Variants in KL observed in about 807,000 individuals in gnomAD.
KL encodes klotho.
In KL, 62 loss-of-function variants were observed where a neutral mutation model predicts 84.2. That is an observed-to-expected ratio of 0.74 (90% CI 0.60 to 0.91). The LOEUF is 0.91. KL is among the 40% of genes least tolerant of loss of function. KL has a pLI of 0.00. For synonymous variants in KL, 528 were observed against 528.0 expected, an observed-to-expected ratio of 1.00 and a Z score of 0.00; for missense variants, 1,261 against 1,305.7, an observed-to-expected ratio of 0.97 and a Z score of 0.53.
chr13:33,035,145 A>G (rs9526983), intron 1 of KL, among the ~76,000 whole-genome samples: 8,747 of 152,278 alleles, frequency 0.057, 323 homozygotes, highest in Non-Finnish European at 0.083. Flanking sequence ...TCCATAAAGC[A>G]TATTTCATTT....
chr13:33,029,361 GTTTC>G (rs1870889206), intron 1 of KL, among the ~76,000 whole-genome samples: 1 of 152,140 alleles, frequency 6.6e-6, no homozygotes, highest in African/African-American at 2.4e-5. Flanking sequence ...ATGAATCAAT[GTTTC>G]AAACATTGAC....
intron 1 of KL, among the ~76,000 whole-genome samples, chr13:33,017,904 G>A (rs1047050434): frequency 6.6e-6 from 1 of 152,180 alleles, no homozygotes; most frequent in African/African-American, 2.4e-5. Context: ...AACAACTGCA[G>A]GGTGATATAG....
intron 1 of KL, among the ~76,000 whole-genome samples, chr13:33,032,830 C>T (rs1337677097): frequency 6.6e-6 from 1 of 152,010 alleles, no homozygotes; most frequent in Admixed American, 6.5e-5. Context: ...TGCCTTTTTC[C>T]GTCTCTCCAG....
In KL at chr13:33,064,593, T is replaced by G. The variant is rs75520088; in HGVS notation, c.*407T>G. 3.8e-6 allele frequency: 1 copy of G among 266,182 alleles called. No individual in the cohort carries two copies. The highest frequency in any genetic ancestry group is 7.2e-6 in the Non-Finnish European group (1 of 138,646). The allele number at this position is 266,182 out of a possible 1,614,324, so 16.5% of individuals were successfully genotyped here. On this transcript the variant is annotated 3_prime_UTR_variant, in exon 5 of 5. Coordinates refer to ENST00000380099, the MANE Select transcript of KL (RefSeq NM_004795.4). ...TTGCAAGAGTTCGAATAGAAAGTTA[T>G]GTACCAAGTAACCATTTCTCAGCTG...
At chr13:33,030,569 G>T (rs996241879) in intron 1 of KL, among the ~76,000 whole-genome samples, 1 of 152,156 alleles carries the variant, frequency 6.6e-6, no homozygotes, top group Non-Finnish European at 1.5e-5. Context: ...ACTTGGAGAT[G>T]ATGAATTTGG....
intron 1 of KL, among the ~76,000 whole-genome samples, chr13:33,017,744 T>C (rs1870425264): frequency 6.6e-6 from 1 of 152,202 alleles, no homozygotes; most frequent in Non-Finnish European, 1.5e-5. Context: ...TGTGAAAGTG[T>C]CAAAACACAA....
intron 1 of KL, among the ~76,000 whole-genome samples, chr13:33,027,536 T>C (rs1252236730): frequency 6.6e-6 from 1 of 152,246 alleles, no homozygotes; most frequent in African/African-American, 2.4e-5. Context: ...GTGGCTCTTA[T>C]ATTGAGCCTT....
At chr13:33,019,497 C>G (rs1409308737) in intron 1 of KL, among the ~76,000 whole-genome samples, 1 of 152,100 alleles carries the variant, frequency 6.6e-6, no homozygotes, top group Non-Finnish European at 1.5e-5. Flanking sequence ...CTCACTCCCT[C>G]TGTGTTTCCA....
rs71071071 is a variant in KL at position 33,044,640 on chromosome 13, C to CTTTTTTTTTTTTTT, written c.820-9112_820-9099dup. Among the ~76,000 whole-genome samples, 44 of 52,754 alleles carry CTTTTTTTTTTTTTT rather than the reference C, an allele frequency of 8.3e-4. 9 individuals carry two copies. The highest frequency in any genetic ancestry group is 1.3e-3 in the Admixed American group (4 of 3,010). 34.6% of individuals were successfully genotyped at this position (52,754 alleles called of 152,430 possible). ...TTCATATATAAATGCAATTGATTTT[C>CTTTTTTTTTTTTTT]TTTTTTTTTTTTTTTTTTTTTTTTT... On this transcript the variant is annotated intron_variant, in intron 1 of 4. Transcript: ENST00000380099.
intron 4 of KL, among the ~76,000 whole-genome samples, chr13:33,063,163 C>T (rs1033422279): frequency 6.6e-6 from 1 of 151,580 alleles, no homozygotes; most frequent in Non-Finnish European, 1.5e-5. Flanking sequence ...TGACCATTGC[C>T]ATGGTAACCT....
rs766872387 is a variant in KL at position 33,016,577 on chromosome 13, C to T, written c.137C>T (p.Ser46Leu). 8.1e-6 allele frequency: 12 copies of T among 1,483,554 alleles called. No homozygotes were observed. In the East Asian group the frequency reaches 2.1e-4, roughly 26 times the overall value. 91.9% of individuals were successfully genotyped at this position (1,483,554 alleles called of 1,614,324 possible). The change falls in exon 1 of 5, where the codon TCG becomes TTG. Residue 46 changes from serine (S) to leucine (L), a missense_variant. Transcript: ENST00000380099. The part of the protein sequence containing the change: ...GDGAQTWARF[S>L]RPPAPEAAGL... ...GGCGCGCAGACCTGGGCCCGTTTCT[C>T]GCGGCCTCCTGCCCCCGAGGCCGCG...
rs1308742315 is a variant in KL at position 33,061,094 on chromosome 13, T to C, written c.2015T>C (p.Leu672Pro). 1 of 1,613,882 alleles carries C rather than the reference T, an allele frequency of 6.2e-7. No individual in the cohort carries two copies. The change falls in exon 4 of 5, where the codon CTG becomes CCG. Residue 672 changes from leucine to proline, a missense_variant. Leu to Pro is a moderately conservative substitution (Grantham distance 98). Transcript: ENST00000380099. ...CTGGCCTTTGCAGAGTATGCCCGAC[T>C]GTGCTTTCAAGAGCTCGGCCATCAC... ...TALAFAEYAR[L>P]CFQELGHHVK...
chr13:33,060,942 C>A lies in KL; in HGVS notation c.1863C>A (p.Cys621Ter). ...ACACCATCCTGCAGTACTATCGCTG[C>A]ATGGCCAGCGAGCTTGTCCGTGTCA... ...VNHTILQYYR[C>*]MASELVRVNI... Residue 621 changes from cysteine (C) to a stop codon, truncating the protein, a stop_gained, in exon 4 of 5, where the codon TGC becomes TGA. Transcript: ENST00000380099. LOFTEE classifies it high-confidence loss of function. 1 of 1,612,002 alleles carries A rather than the reference C, an allele frequency of 6.2e-7. No individual in the cohort carries two copies. Among genetic ancestry groups the A allele is most frequent in the South Asian group, 1.1e-5 (1 of 90,976 alleles).
Position 33,016,571 on chromosome 13 carries a change from G to A in KL, c.131G>A (p.Arg44His). Residue 44 changes from arginine (R) to histidine (H), a missense_variant, in exon 1 of 5, where the codon CGT (arginine) becomes CAT (histidine). Arg to His is a conservative substitution (Grantham distance 29). Coordinates refer to ENST00000380099, the MANE Select transcript of KL (RefSeq NM_004795.4). ...EPGDGAQTWA[R>H]FSRPPAPEAA... The stretch of plus-strand genomic sequence containing the variant: ...GGCGACGGCGCGCAGACCTGGGCCC[G>A]TTTCTCGCGGCCTCCTGCCCCCGAG... The A allele has an allele frequency of 6.8e-7, 1 of 1,479,024 alleles. No individual in the cohort carries two copies. The highest frequency in any genetic ancestry group is 8.9e-7 in the Non-Finnish European group (1 of 1,117,374). The allele number at this position is 1,479,024 out of a possible 1,614,324, so 91.6% of individuals were successfully genotyped here.
Position 33,064,399 on chromosome 13 carries a change from TG to T in KL, c.*216del, listed in dbSNP as rs1872330426. 2.6e-5 allele frequency: 12 copies of T among 468,620 alleles called. No homozygotes were observed. In the South Asian group the frequency reaches 3.5e-4, roughly 14 times the overall value. 29.0% of individuals were successfully genotyped at this position (468,620 alleles called of 1,614,324 possible). A position where few individuals can be genotyped will look rare whatever the true frequency, so the allele number is the denominator to read the frequency against. Reference sequence around the variant, plus strand: ...ATAGTGCCTGAATTTGTTCTCTTTTTGGGTGATTAAAAAACTGACAGGCACT... The same window carrying T: ...ATAGTGCCTGAATTTGTTCTCTTTTTGGTGATTAAAAAACTGACAGGCACT... On this transcript the variant is annotated 3_prime_UTR_variant, in exon 5 of 5. Transcript: ENST00000380099.
chr13:33,057,122 G>T (rs1422081094), intron 3 of KL, among the ~76,000 whole-genome samples: 1 of 152,122 alleles, frequency 6.6e-6, no homozygotes, highest in Non-Finnish European at 1.5e-5. Flanking sequence ...TAGATCGGAT[G>T]GTCCCTGGTC....
chr13:33,030,834 C>T (rs1424634102), intron 1 of KL, among the ~76,000 whole-genome samples: 1 of 152,046 alleles, frequency 6.6e-6, no homozygotes, highest in African/African-American at 2.4e-5. Context: ...TCTTGAACAT[C>T]AGTAACACAA....
intron 1 of KL, among the ~76,000 whole-genome samples, chr13:33,040,260 G>C (rs1405605631): frequency 6.6e-6 from 1 of 152,160 alleles, no homozygotes; most frequent in East Asian, 1.9e-4. Context: ...AAATAATTTG[G>C]TCTGCGAGCA....
chr13:33,035,278 A>G (rs1871115504), intron 1 of KL, among the ~76,000 whole-genome samples: 1 of 152,256 alleles, frequency 6.6e-6, no homozygotes. Context: ...GCAAAGAGCT[A>G]TAAATGAGCC....
Sources: gnomAD v4.1 joint callset for allele counts (sites outside exome capture counted in the v4.1 genomes callset) on GRCh38, gnomAD v4.1.1 for gene constraint, MANE v1.5 for transcripts, NCBI Gene and HGNC (gene_info 2026-07-23, HGNC 2026-07-21) for gene names.